CCDC83: variants seen among roughly 807,000 people sequenced by gnomAD.
CCDC83 encodes coiled-coil domain-containing protein 83.
In CCDC83, 54 loss-of-function variants were observed where a neutral mutation model predicts 50.1. That is an observed-to-expected ratio of 1.08 (90% CI 0.87 to 1.35). The LOEUF is 1.35. Ranked by LOEUF, CCDC83 falls within the 40% of genes most tolerant of loss-of-function variation. The pLI is 0.00. For synonymous variants in CCDC83, 161 were observed against 153.3 expected (o/e 1.05, Z -0.37); for missense variants, 518 against 473.9 (o/e 1.09, Z -0.86).
chr11:85,900,495 A>G (rs2093396095), intron 7 of CCDC83, among the ~76,000 whole-genome samples: 1 of 152,118 alleles, frequency 6.6e-6, no homozygotes, highest in South Asian at 2.1e-4. Context: ...CATACCACAT[A>G]CAGTCTCCAG....
Position 85,882,692 on chromosome 11 carries a change from G to A in CCDC83, c.343+17G>A, listed in dbSNP as rs756407263. 4.3e-6 allele frequency: 7 copies of A among 1,609,734 alleles called. No individual in the cohort carries two copies. Among genetic ancestry groups the A allele is most frequent in the Non-Finnish European group, 4.2e-6 (5 of 1,177,024 alleles). Reference sequence around the variant, plus strand: ...ACTTGAGAGGTGATTTAGGAACATAGAAAACTATCATAGAGTTGTGCCAAG... The same window carrying A: ...ACTTGAGAGGTGATTTAGGAACATAAAAAACTATCATAGAGTTGTGCCAAG... On this transcript the variant is annotated intron_variant, in intron 4 of 10. Coordinates refer to ENST00000342404, the MANE Select transcript of CCDC83 (RefSeq NM_001286159.2).
chr11:85,882,925 C>A (rs1273010363), intron 4 of CCDC83, among the ~76,000 whole-genome samples: 1 of 152,010 alleles, frequency 6.6e-6, no homozygotes, highest in Non-Finnish European at 1.5e-5. Flanking sequence ...ATTTATCTGA[C>A]TGTTTTTTTT....
intron 7 of CCDC83, among the ~76,000 whole-genome samples, chr11:85,909,439 T>C (rs1049970092): frequency 2.6e-5 from 4 of 152,146 alleles, no homozygotes; most frequent in Non-Finnish European, 5.9e-5. Context: ...TTGCTTCTAA[T>C]TCTCCTATTG....
At chr11:85,900,331 A>C (rs148517226) in intron 7 of CCDC83, among the ~76,000 whole-genome samples, 1 of 152,322 alleles carries the variant, frequency 6.6e-6, no homozygotes, top group Non-Finnish European at 1.5e-5. Flanking sequence ...ACACTAAACA[A>C]ATTATCAGAT....
intron 7 of CCDC83, 149 bp downstream of exon 7, chr11:85,899,164 T>A: frequency 1.7e-6 from 1 of 586,616 alleles, no homozygotes; most frequent in Non-Finnish European, 3.0e-6. Flanking sequence ...CTCATCTCAT[T>A]ACAAGCTGTT....
At chr11:85,905,955 G>T (rs2093423759) in intron 7 of CCDC83, among the ~76,000 whole-genome samples, 2 of 116,096 alleles carry the variant, frequency 1.7e-5, no homozygotes, top group South Asian at 5.9e-4. Flanking sequence ...GGCGACAAGA[G>T]CATGACTCCG....
At chr11:85,862,476 C>T (rs2093182499) in intron 1 of CCDC83, among the ~76,000 whole-genome samples, 1 of 152,284 alleles carries the variant, frequency 6.6e-6, no homozygotes, top group Non-Finnish European at 1.5e-5. Flanking sequence ...TAAAGTTCTG[C>T]TGCAGTGTGC....
chr11:85,879,176 T>C (rs1176855954), intron 3 of CCDC83, among the ~76,000 whole-genome samples: 1 of 152,196 alleles, frequency 6.6e-6, no homozygotes, highest in Non-Finnish European at 1.5e-5. Flanking sequence ...GATTATGCTT[T>C]CAGTGTCAAG....
intron 5 of CCDC83, among the ~76,000 whole-genome samples, chr11:85,891,240 G>A (rs772048640): frequency 6.6e-6 from 1 of 152,086 alleles, no homozygotes; most frequent in Non-Finnish European, 1.5e-5. Context: ...CATGACCAAT[G>A]GCCTTTGTCC....
In CCDC83 at chr11:85,919,731, G is replaced by A; in HGVS notation, c.*221G>A. On this transcript the variant is annotated 3_prime_UTR_variant, in exon 11 of 11. Transcript: ENST00000342404. Reference sequence around the variant, plus strand: ...GCACGCTTTGTATTTCTACACTGAAGTATTCAGAAGCATGACAGTGGGTTC... The same window carrying A: ...GCACGCTTTGTATTTCTACACTGAAATATTCAGAAGCATGACAGTGGGTTC... 4.2e-6 allele frequency: 2 copies of A among 477,898 alleles called. 1 individual carries two copies. Among genetic ancestry groups the A allele is most frequent in the South Asian group, 5.4e-5 (2 of 37,010 alleles). 29.6% of individuals were successfully genotyped at this position (477,898 alleles called of 1,614,324 possible). A position where few individuals can be genotyped will look rare whatever the true frequency, so the allele number is the denominator to read the frequency against.
chr11:85,918,072 T>C (rs1350916565), intron 10 of CCDC83: 1 of 152,220 alleles, frequency 6.6e-6, no homozygotes, highest in Non-Finnish European at 1.5e-5. Flanking sequence ...AATAGAATTA[T>C]ATGTATTTTG....
At chr11:85,859,948 A>C (rs1321786875) in intron 1 of CCDC83, among the ~76,000 whole-genome samples, 1 of 152,180 alleles carries the variant, frequency 6.6e-6, no homozygotes, top group Admixed American at 6.5e-5. Context: ...AGAATCTATA[A>C]GGAACTTAAT....
chr11:85,884,367 G>A (rs2093316205), intron 4 of CCDC83, among the ~76,000 whole-genome samples: 1 of 152,126 alleles, frequency 6.6e-6, no homozygotes, highest in Non-Finnish European at 1.5e-5. Context: ...CTATCAGCTT[G>A]TTACAATGCC....
At chr11:85,868,021 G>C (rs1414961492) in intron 2 of CCDC83, among the ~76,000 whole-genome samples, 1 of 147,810 alleles carries the variant, frequency 6.8e-6, no homozygotes, top group African/African-American at 2.4e-5. Context: ...GGATTGTCCA[G>C]GAGTTCCCTG....
chr11:85,881,200 C>T (rs1312519642), intron 3 of CCDC83, among the ~76,000 whole-genome samples: 8 of 151,998 alleles, frequency 5.3e-5, no homozygotes, highest in Admixed American at 5.2e-4. Flanking sequence ...GAAATCCCGT[C>T]TCTACTAAAA....
Position 85,888,267 on chromosome 11 carries a change from G to A in CCDC83, c.511+1900G>A, listed in dbSNP as rs375133031. Among the ~76,000 whole-genome samples the A allele has an allele frequency of 4.7e-4, 71 of 152,310 alleles. 2 individuals carry two copies. The South Asian group carries it at 0.014, about 29-fold the overall frequency. On this transcript the variant is annotated intron_variant, in intron 5 of 10. Transcript: ENST00000342404. ...AAGTGGTACTTCTAACAGTATGCAT[G>A]AGGATACCTATTTTCCCACATCTTC...
chr11:85,908,095 A>C (rs2093433464), intron 7 of CCDC83, among the ~76,000 whole-genome samples: 1 of 152,212 alleles, frequency 6.6e-6, no homozygotes, highest in Non-Finnish European at 1.5e-5. Flanking sequence ...ATCTGGACTT[A>C]AACGGTTTTA....
intron 4 of CCDC83, among the ~76,000 whole-genome samples, chr11:85,885,006 T>C (rs370641953): frequency 2.0e-5 from 3 of 152,056 alleles, no homozygotes; most frequent in African/African-American, 4.8e-5. Flanking sequence ...AGGTCAGGAG[T>C]TCGAGACCAG....
At chr11:85,905,095 G>A (rs866751810) in intron 7 of CCDC83, among the ~76,000 whole-genome samples, 2 of 151,622 alleles carry the variant, frequency 1.3e-5, no homozygotes, top group Non-Finnish European at 2.9e-5. Context: ...TCAAGAATTC[G>A]AGACCAGCCT....
Sources: gnomAD v4.1 joint callset for allele counts (sites outside exome capture counted in the v4.1 genomes callset) on GRCh38, gnomAD v4.1.1 for gene constraint, MANE v1.5 for transcripts, NCBI Gene and HGNC (gene_info 2026-07-23, HGNC 2026-07-21) for gene names.